CRISPLD2: variants seen among roughly 807,000 people sequenced by gnomAD.
CRISPLD2 encodes cysteine rich secretory protein LCCL domain containing 2.
Under a neutral mutation model 71.1 loss-of-function variants are expected in CRISPLD2, and 47 were observed. The observed-to-expected ratio is 0.66, with a 90% confidence interval of 0.52 to 0.84. The LOEUF (loss-of-function observed/expected upper bound fraction) is 0.84. Among genes scored for constraint, CRISPLD2 ranks in the 40% least tolerant of loss-of-function variants. The probability of loss-of-function intolerance (pLI) is 0.00; values close to 1 mark genes in which losing one functional copy is unlikely to be tolerated. For synonymous variants in CRISPLD2, 317 were observed against 250.1 expected (o/e 1.27, Z -2.52); for missense variants, 830 against 651.1 (o/e 1.27, Z -2.99).
intron 1 of CRISPLD2, among the ~76,000 whole-genome samples, chr16:84,832,738 C>G (rs757097868): frequency 6.6e-6 from 1 of 152,216 alleles, no homozygotes; most frequent in Non-Finnish European, 1.5e-5. Flanking sequence ...TGGGAGCTGA[C>G]GGCTGACAGG....
chr16:84,891,246 G>C (rs1439150596), intron 14 of CRISPLD2, among the ~76,000 whole-genome samples: 1 of 152,232 alleles, frequency 6.6e-6, no homozygotes, highest in Non-Finnish European at 1.5e-5. Context: ...GCTGTAACTT[G>C]CCCTGGGCCC....
chr16:84,867,490 C>G (rs1202286083), intron 7 of CRISPLD2, among the ~76,000 whole-genome samples: 1 of 152,176 alleles, frequency 6.6e-6, no homozygotes, highest in Admixed American at 6.5e-5. Flanking sequence ...CAAGGTTGCC[C>G]GGAGGATGAG....
intron 14 of CRISPLD2, among the ~76,000 whole-genome samples, chr16:84,893,930 C>A (rs2071684004): frequency 6.6e-6 from 1 of 152,192 alleles, no homozygotes; most frequent in African/African-American, 2.4e-5. Context: ...ACAGGCAGTC[C>A]CAAGGGAGAC....
intron 14 of CRISPLD2, among the ~76,000 whole-genome samples, chr16:84,896,083 G>T (rs2071703308): frequency 6.7e-6 from 1 of 150,154 alleles, no homozygotes; most frequent in East Asian, 2.0e-4. Context: ...CTGTTGCCCA[G>T]GCTGGGATGC....
intron 6 of CRISPLD2, among the ~76,000 whole-genome samples, chr16:84,858,511 AT>A (rs1003398847): frequency 6.6e-6 from 1 of 152,214 alleles, no homozygotes; most frequent in Non-Finnish European, 1.5e-5. Context: ...AGTTTCCTGA[AT>A]TTTAGTCAAA....
At chr16:84,862,050 G>A (rs896857355) in intron 6 of CRISPLD2, among the ~76,000 whole-genome samples, 24 of 152,192 alleles carry the variant, frequency 1.6e-4, no homozygotes, top group African/African-American at 5.6e-4. Flanking sequence ...GTCCTCCCGG[G>A]CTGTTTGACC....
rs142252905 is a variant in CRISPLD2 at position 84,827,479 on chromosome 16, C to G, written c.-75+7346C>G. The stretch of plus-strand genomic sequence containing the variant: ...CCAGCTTCATGGGCTTTTCGCCTGT[C>G]CTCGGTCACGGTCACGCCTCGACTG... On this transcript the variant is annotated intron_variant, in intron 1 of 14. Coordinates refer to ENST00000262424, the MANE Select transcript of CRISPLD2 (RefSeq NM_031476.4). 2.1e-3 allele frequency among the ~76,000 whole-genome samples: 323 copies of G among 152,238 alleles called. 1 individual carries two copies. The highest frequency in any genetic ancestry group is 7.5e-3 in the African/African-American group (310 of 41,556).
intron 11 of CRISPLD2, 118 bp from the exon 12 acceptor site, chr16:84,877,320 A>T (rs1175723077): frequency 2.3e-6 from 2 of 864,324 alleles, no homozygotes; most frequent in Non-Finnish European, 3.7e-6. Flanking sequence ...TCCCAGCTCT[A>T]TTCAAGGGCC....
At chr16:84,864,865 G>C (rs1376415887) in intron 6 of CRISPLD2, among the ~76,000 whole-genome samples, 1 of 152,202 alleles carries the variant, frequency 6.6e-6, no homozygotes, top group Non-Finnish European at 1.5e-5. Flanking sequence ...TCCAAGATTA[G>C]AATTGGAGCT....
intron 1 of CRISPLD2, among the ~76,000 whole-genome samples, chr16:84,834,583 A>G (rs182158377): frequency 1.6e-3 from 243 of 152,282 alleles, no homozygotes; most frequent in African/African-American, 5.7e-3. Flanking sequence ...CCTCTTTACA[A>G]TAGCCAGGGG....
At chr16:84,881,301 C>T (rs181764404) in intron 13 of CRISPLD2, among the ~76,000 whole-genome samples, 129 of 152,340 alleles carry the variant, frequency 8.5e-4, no homozygotes, top group African/African-American at 2.3e-3. Flanking sequence ...TAATACAGAC[C>T]ACCCTAATTT....
chr16:84,836,207 T>G (rs1253426465), intron 1 of CRISPLD2: 1 of 152,254 alleles, frequency 6.6e-6, no homozygotes, highest in Non-Finnish European at 1.5e-5. Context: ...TATCTCATTA[T>G]GTACATGCAA....
At chr16:84,848,212 A>G (rs1916968985) in intron 3 of CRISPLD2, among the ~76,000 whole-genome samples, 1 of 152,214 alleles carries the variant, frequency 6.6e-6, no homozygotes, top group African/African-American at 2.4e-5. Context: ...ATGAGTGGCC[A>G]GCAGCCCTCT....
At chr16:84,870,473 C>G (rs2071458187) in intron 8 of CRISPLD2, among the ~76,000 whole-genome samples, 1 of 152,080 alleles carries the variant, frequency 6.6e-6, no homozygotes, top group South Asian at 2.1e-4. Context: ...GCACACGCCA[C>G]CATGCCCGGC....
rs547198024 is a variant in CRISPLD2, at chr16:84,876,797, A to G, written c.1157-641A>G. ...AAAAGAGCAAAACTCTGTCTCAAAGAAAAAAAGAAAAAGAAAAAGTTTACT... is the reference window on the plus strand; with the variant it reads ...AAAAGAGCAAAACTCTGTCTCAAAGGAAAAAAGAAAAAGAAAAAGTTTACT... On this transcript the variant is annotated intron_variant, in intron 11 of 14. Coordinates refer to ENST00000262424, the MANE Select transcript of CRISPLD2 (RefSeq NM_031476.4). Among the ~76,000 whole-genome samples, 8 of 152,360 alleles carry G rather than the reference A, an allele frequency of 5.3e-5. No individual in the cohort carries two copies. The East Asian group carries it at 1.5e-3, about 29-fold the overall frequency.
chr16:84,902,215 T>G (rs778094483), intron 14 of CRISPLD2, among the ~76,000 whole-genome samples: 78 of 152,152 alleles, frequency 5.1e-4, no homozygotes, highest in Non-Finnish European at 6.2e-4. Flanking sequence ...TAGCAATTCA[T>G]GTATCAGGCA....
At chr16:84,879,163 C>A (rs2071546427) in intron 12 of CRISPLD2, among the ~76,000 whole-genome samples, 1 of 152,214 alleles carries the variant, frequency 6.6e-6, no homozygotes, top group Non-Finnish European at 1.5e-5. Context: ...CCGTCTTGAT[C>A]CCCCTTGAAT....
chr16:84,889,253 C>A lies in CRISPLD2; in HGVS notation c.1329C>A (p.Ala443=), dbSNP rs767050. Residue 443 remains alanine (A), a synonymous_variant, in exon 14 of 15, where the codon GCC becomes GCA. Transcript: ENST00000262424. ...AGACCTCAAGCATCTGCAAGACAGC[C>A]GTGCACGCGGGAGTCATCAGCAACG... is the stretch of plus-strand genomic sequence containing the variant. ...YADTSSICKT[A]VHAGVISNES... 6.2e-7 allele frequency: 1 copy of A among 1,613,800 alleles called. No individual in the cohort carries two copies. Among genetic ancestry groups the A allele is most frequent in the South Asian group, 1.1e-5 (1 of 91,070 alleles).
At chr16:84,840,145 GC>G (rs1249195766) in intron 2 of CRISPLD2, 1 of 152,242 alleles carries the variant, frequency 6.6e-6, no homozygotes, top group Non-Finnish European at 1.5e-5. Flanking sequence ...GAGACACGCT[GC>G]CGTCTCATCT....
Sources: allele counts gnomAD v4.1 joint callset (sites outside exome capture counted in the v4.1 genomes callset), GRCh38; gene constraint gnomAD v4.1.1; transcripts MANE v1.5; gene names NCBI Gene and HGNC (gene_info 2026-07-23, HGNC 2026-07-21).